ERBIN: variants seen among roughly 807,000 people sequenced by gnomAD.
ERBIN encodes the protein erbb2 interacting protein.
In ERBIN, 60 loss-of-function variants were observed where a neutral mutation model predicts 158.4. That is an observed-to-expected ratio of 0.38 (90% CI 0.31 to 0.47). ERBIN has a LOEUF of 0.47. ERBIN is among the 20% of genes least tolerant of loss of function. ERBIN has a pLI of 0.99. For missense variants in ERBIN, 1,610 were observed against 1,648.0 expected, an observed-to-expected ratio of 0.98 and a Z score of 0.40; for synonymous variants, 594 against 557.2, an observed-to-expected ratio of 1.07 and a Z score of -0.93.
At chr5:65,993,363 CA>C (rs1292953703) in intron 3 of ERBIN, among the ~76,000 whole-genome samples, 1 of 152,092 alleles carries the variant, frequency 6.6e-6, no homozygotes, top group Non-Finnish European at 1.5e-5. Flanking sequence ...TGTTTTCCTC[CA>C]TTTACAATTT....
At chr5:66,076,715 G>C (rs992115316) in intron 24 of ERBIN, 160 bp from the exon 25 acceptor site, 1 of 624,466 alleles carries the variant, frequency 1.6e-6, no homozygotes, top group African/African-American at 1.9e-5. Context: ...ATTACTAGAG[G>C]TAAAAATAAC....
rs560264392 is a variant in ERBIN, at chr5:66,072,302, G to A, written c.3756+11G>A. On this transcript the variant is annotated intron_variant, in intron 22 of 25. Transcript: ENST00000284037. ...GACAGCTTGATGAAAGTGGGTGCTCGGGAAAACAAAATGTAGTATCTGTGA... is the reference window on the plus strand; with the variant it reads ...GACAGCTTGATGAAAGTGGGTGCTCAGGAAAACAAAATGTAGTATCTGTGA... The A allele has an allele frequency of 4.3e-5, 67 of 1,549,192 alleles. No homozygotes were observed. The highest frequency in any genetic ancestry group is 6.8e-5 in the African/African-American group (5 of 73,002).
intron 4 of ERBIN, among the ~76,000 whole-genome samples, chr5:66,005,989 C>A (rs928563276): frequency 6.6e-6 from 1 of 152,074 alleles, no homozygotes; most frequent in African/African-American, 2.4e-5. Flanking sequence ...TTTATAGATT[C>A]AATACCATCC....
At chr5:66,012,176 T>G (rs370171681) in intron 5 of ERBIN, 49 bp downstream of exon 5, 7 of 1,205,084 alleles carry the variant, frequency 5.8e-6, no homozygotes, top group Non-Finnish European at 5.9e-6. Context: ...AAAACAATTA[T>G]GAAACTAGTA....
chr5:65,973,879 A>G (rs1749559506), intron 1 of ERBIN, among the ~76,000 whole-genome samples: 2 of 151,298 alleles, frequency 1.3e-5, no homozygotes, highest in African/African-American at 4.9e-5. Context: ...TTAAGGAAAA[A>G]AATTAGGTGC....
intron 7 of ERBIN, among the ~76,000 whole-genome samples, chr5:66,020,758 T>A (rs918452372): frequency 2.0e-5 from 3 of 152,038 alleles, no homozygotes; most frequent in African/African-American, 7.2e-5. Context: ...AGTATATTAT[T>A]GCTTTTATTT....
chr5:66,060,739 G>A (rs1004855328), intron 21 of ERBIN, among the ~76,000 whole-genome samples: 1 of 151,706 alleles, frequency 6.6e-6, no homozygotes, highest in East Asian at 1.9e-4. Context: ...GGTATGTTGT[G>A]TCTTTATTCT....
rs370445241 is a variant in ERBIN at position 65,977,710 on chromosome 5, C to T, written c.-57-10925C>T. ...GCAGAGGGGCTCCTCACTTCCCAGA[C>T]GATGGGCGGCCAGGCGGAGACGCTC... On this transcript the variant is annotated intron_variant, in intron 1 of 25. Coordinates refer to ENST00000284037, the MANE Select transcript of ERBIN (RefSeq NM_001253697.2). 2.4e-3 allele frequency among the ~76,000 whole-genome samples: 347 copies of T among 146,634 alleles called. 2 individuals carry two copies. Among genetic ancestry groups the T allele is most frequent in the African/African-American group, 8.1e-3 (319 of 39,520 alleles).
intron 1 of ERBIN, among the ~76,000 whole-genome samples, chr5:65,928,658 A>G (rs1467897203): frequency 6.6e-6 from 1 of 152,188 alleles, no homozygotes; most frequent in Non-Finnish European, 1.5e-5. Flanking sequence ...GATGCAGACA[A>G]CACGTTTTAT....
At chr5:65,994,218 C>G (rs1366201889) in intron 3 of ERBIN, among the ~76,000 whole-genome samples, 2 of 152,116 alleles carry the variant, frequency 1.3e-5, no homozygotes, top group African/African-American at 4.8e-5. Context: ...ATTTATCTTC[C>G]TTAGCTAGTT....
At chr5:66,026,171 AAAG>A (rs1400628899) in intron 12 of ERBIN, 128 bp from the exon 13 acceptor site, 5 of 698,000 alleles carry the variant, frequency 7.2e-6, no homozygotes, top group Non-Finnish European at 1.1e-5. Flanking sequence ...AATTAATTAA[AAAG>A]AAAGTCTAGT....
chr5:66,062,330 G>T (rs920605465), intron 21 of ERBIN, among the ~76,000 whole-genome samples: 1 of 152,068 alleles, frequency 6.6e-6, no homozygotes, highest in Admixed American at 6.6e-5. Flanking sequence ...CCAGTTGATC[G>T]CATCAGTTAC....
At chr5:66,044,417 CCACAGAATGAT>C in intron 17 of ERBIN, 107 bp downstream of exon 17, 1 of 1,021,502 alleles carries the variant, frequency 9.8e-7, no homozygotes, top group Non-Finnish European at 1.4e-6. Context: ...CAGTCATGCA[CCACAGAATGAT>C]ATTTCGGTCG....
rs112941562 is a variant in ERBIN at position 66,054,672 on chromosome 5, A to G, written c.3354A>G (p.Pro1118=). The part of the protein sequence containing the change: ...REFHSAGRTP[P]MMPGSQRPLS... Reference sequence around the variant, plus strand: ...TCCACTCAGCGGGAAGAACTCCTCCAATGATGCCAGGATCACAGAGACCCC... The same window carrying G: ...TCCACTCAGCGGGAAGAACTCCTCCGATGATGCCAGGATCACAGAGACCCC... Residue 1118 remains proline, a synonymous_variant, in exon 21 of 26, where the codon CCA becomes CCG. Transcript: ENST00000284037. 6.2e-7 allele frequency: 1 copy of G among 1,614,150 alleles called. No homozygotes were observed. Among genetic ancestry groups the G allele is most frequent in the Non-Finnish European group, 8.5e-7 (1 of 1,180,004 alleles).
chr5:65,973,750 G>A (rs251326), intron 1 of ERBIN, among the ~76,000 whole-genome samples: 150,153 of 151,414 alleles, frequency 0.99, 74,512 homozygotes, highest in Non-Finnish European at 1. Flanking sequence ...TGAACAAAGG[G>A]TTTGATTCAG....
chr5:66,027,581 AATACAGT>A (rs1756414451), intron 13 of ERBIN, among the ~76,000 whole-genome samples: 1 of 152,092 alleles, frequency 6.6e-6, no homozygotes, highest in African/African-American at 2.4e-5. Flanking sequence ...TTCCCTAAAC[AATACAGT>A]ATACCTACTA....
intron 21 of ERBIN, among the ~76,000 whole-genome samples, chr5:66,057,948 C>G (rs181472047): frequency 4.0e-5 from 6 of 151,188 alleles, no homozygotes; most frequent in East Asian, 3.9e-4. Flanking sequence ...TGGACATTTG[C>G]GTTGGTTCCA....
chr5:66,042,363 G>T (rs990956481), intron 15 of ERBIN, among the ~76,000 whole-genome samples: 1 of 151,902 alleles, frequency 6.6e-6, no homozygotes, highest in Non-Finnish European at 1.5e-5. Flanking sequence ...TTTAATCTTT[G>T]CTTTTGATAT....
chr5:66,023,268 TC>T (rs767892293), intron 8 of ERBIN, 21 bp from the exon 9 acceptor site: 1 of 1,580,586 alleles, frequency 6.3e-7, no homozygotes, highest in South Asian at 1.1e-5. Context: ...ATTACTGCTA[TC>T]CCCTACCCTA....
Sources: gnomAD v4.1 joint callset for allele counts (sites outside exome capture counted in the v4.1 genomes callset) on GRCh38, gnomAD v4.1.1 for gene constraint, MANE v1.5 for transcripts, NCBI Gene and HGNC (gene_info 2026-07-23, HGNC 2026-07-21) for gene names.